ANK2: variants seen among roughly 807,000 people sequenced by gnomAD.
The protein encoded by ANK2 is ankyrin 2, also known as ankyrin-2.
In ANK2, 83 loss-of-function variants were observed where a neutral mutation model predicts 360.5. That is an observed-to-expected ratio of 0.23 (90% CI 0.19 to 0.28). The LOEUF is 0.28. Ranked by LOEUF, ANK2 falls within the 10% of genes least tolerant of loss-of-function variation. The pLI is 1.00. For synonymous variants in ANK2, 1,740 were observed against 1,759.5 expected (o/e 0.99, Z 0.28); for missense variants, 4,201 against 4,795.7 (o/e 0.88, Z 3.66).
intron 26 of ANK2, among the ~76,000 whole-genome samples, chr4:113,320,559 G>A (rs1290265114): frequency 6.6e-6 from 1 of 152,124 alleles, no homozygotes; most frequent in Non-Finnish European, 1.5e-5. Context: ...GGAGGGTGAG[G>A]CAGAAGAATC....
intron 1 of ANK2, among the ~76,000 whole-genome samples, chr4:112,902,659 C>T (rs556172108): frequency 1.4e-4 from 21 of 152,208 alleles, no homozygotes; most frequent in Admixed American, 1.2e-3. Context: ...TCACCACATG[C>T]GAAGTGAACT....
At chr4:113,305,318 C>G (rs1032425228) in intron 23 of ANK2, among the ~76,000 whole-genome samples, 1 of 114,922 alleles carries the variant, frequency 8.7e-6, no homozygotes. Context: ...CCAGCCTGGG[C>G]GACAGAGCGA....
chr4:113,165,023 A>G (rs1490061419), intron 1 of ANK2, among the ~76,000 whole-genome samples: 2 of 151,916 alleles, frequency 1.3e-5, no homozygotes, highest in Admixed American at 1.3e-4. Flanking sequence ...TTTTTTTTTG[A>G]TGACCAGTGA....
At chr4:112,750,517 G>A in the ANK2 span, among the ~76,000 whole-genome samples, 3 of 152,016 alleles carry the variant, frequency 2.0e-5, no homozygotes, top group African/African-American at 7.3e-5. Context: ...TAGCCTAGGA[G>A]CAATAGACTA....
the ANK2 span, among the ~76,000 whole-genome samples, chr4:112,747,356 C>T: frequency 1.3e-5 from 2 of 152,206 alleles, no homozygotes; most frequent in African/African-American, 4.8e-5. Flanking sequence ...AGCCCACAGG[C>T]TGAGATCTCC....
intron 1 of ANK2, chr4:112,880,955 T>C (rs940433844): frequency 5.3e-5 from 8 of 152,344 alleles, no homozygotes; most frequent in Admixed American, 5.2e-4. Context: ...AAATTACATG[T>C]ACAGATAAGC....
At chr4:112,864,751 A>T (rs1185054638) in intron 1 of ANK2, among the ~76,000 whole-genome samples, 1 of 151,574 alleles carries the variant, frequency 6.6e-6, no homozygotes, top group Non-Finnish European at 1.5e-5. Flanking sequence ...AGTAGAAACC[A>T]GCCGGGCGCG....
At chr4:113,264,360 G>C (rs183645649) in intron 13 of ANK2, among the ~76,000 whole-genome samples, 1 of 152,182 alleles carries the variant, frequency 6.6e-6, no homozygotes, top group African/African-American at 2.4e-5. Context: ...ACATAGTTAA[G>C]TGAGACAATG....
At chr4:112,911,355 C>G (rs548643582) in intron 2 of ANK2, among the ~76,000 whole-genome samples, 5 of 152,026 alleles carry the variant, frequency 3.3e-5, no homozygotes, top group African/African-American at 9.6e-5. Context: ...AACCCCGTCT[C>G]TACTAAAAAT....
intron 2 of ANK2, among the ~76,000 whole-genome samples, chr4:112,910,575 C>T (rs547356436): frequency 1.2e-4 from 19 of 152,264 alleles, no homozygotes; most frequent in Non-Finnish European, 1.8e-4. Context: ...ATTCTGCAGA[C>T]GGATAAAAAG....
Position 113,333,048 on chromosome 4 carries a change from T to C in ANK2, c.3225-6T>C, listed in dbSNP as rs1411193146. ...CCACACTGAATGTTCTGCATTGCTA[T>C]GTCAGGCCTGTGATCGTGGAGATCC... On this transcript the variant is annotated splice_region_variant and splice_polypyrimidine_tract_variant and intron_variant, in intron 28 of 45. Coordinates refer to ENST00000357077, the MANE Select transcript of ANK2 (RefSeq NM_001148.6). 6.2e-7 allele frequency: 1 copy of C among 1,614,188 alleles called. No individual in the cohort carries two copies. Among genetic ancestry groups the C allele is most frequent in the East Asian group, 2.2e-5 (1 of 44,884 alleles).
chr4:113,265,733 C>A (rs2055613123), intron 14 of ANK2, among the ~76,000 whole-genome samples: 1 of 152,176 alleles, frequency 6.6e-6, no homozygotes, highest in African/African-American at 2.4e-5. Context: ...ACTGTACCTT[C>A]TATTTCCTTT....
intron 21 of ANK2, chr4:113,292,860 T>C (rs2068555335): frequency 2.6e-6 from 1 of 386,404 alleles, no homozygotes; most frequent in Non-Finnish European, 4.9e-6. Context: ...AGGGAGCTGC[T>C]AGCTTAAACA....
chr4:112,770,677 G>A, the ANK2 span, among the ~76,000 whole-genome samples: 1 of 149,834 alleles, frequency 6.7e-6, no homozygotes, highest in South Asian at 2.1e-4. Flanking sequence ...TTGTACTCCA[G>A]CCTGGGTGAC....
chr4:113,139,106 G>A (rs967197518), intron 1 of ANK2, among the ~76,000 whole-genome samples: 2 of 152,174 alleles, frequency 1.3e-5, no homozygotes, highest in African/African-American at 4.8e-5. Context: ...ACCATGGCAT[G>A]TGAGTCCTCT....
chr4:112,940,490 A>T (rs181065761), intron 2 of ANK2, among the ~76,000 whole-genome samples: 341 of 152,276 alleles, frequency 2.2e-3, no homozygotes, highest in Middle Eastern at 0.01. Flanking sequence ...AATTATTTTT[A>T]AAAAATTACA....
At chr4:112,847,318 C>T (rs180834723) in intron 1 of ANK2, among the ~76,000 whole-genome samples, 1 of 152,326 alleles carries the variant, frequency 6.6e-6, no homozygotes, top group East Asian at 1.9e-4. Flanking sequence ...TTTTCTCTCT[C>T]TCAGTGGTAT....
intron 7 of ANK2, among the ~76,000 whole-genome samples, chr4:113,238,423 G>A (rs574966577): frequency 1.3e-5 from 2 of 152,184 alleles, no homozygotes; most frequent in African/African-American, 4.8e-5. Context: ...ACTAGGTTGT[G>A]GACTTTTGAG....
chr4:112,981,411 C>T (rs2043080170), intron 2 of ANK2, among the ~76,000 whole-genome samples: 2 of 152,098 alleles, frequency 1.3e-5, no homozygotes. Context: ...GGATTGAGAA[C>T]AGTTAGGAGG....
Sources: allele counts gnomAD v4.1 joint callset (sites outside exome capture counted in the v4.1 genomes callset), GRCh38; gene constraint gnomAD v4.1.1; transcripts MANE v1.5; gene names NCBI Gene and HGNC (gene_info 2026-07-23, HGNC 2026-07-21).